Variants in RTN1 observed in about 807,000 individuals in gnomAD.
The protein encoded by RTN1 is reticulon 1, also known as reticulon-1.
Under a neutral mutation model 65.5 loss-of-function variants are expected in RTN1, and 25 were observed. The observed-to-expected ratio is 0.38, with a 90% CI of 0.28 to 0.53. The LOEUF (loss-of-function observed/expected upper bound fraction) is 0.53, where lower values mean the gene tolerates loss of function less well. Ranked by LOEUF, RTN1 falls within the 20% of genes least tolerant of loss-of-function variation. The probability of loss-of-function intolerance (pLI) is 0.79; values close to 1 mark genes in which losing one functional copy is unlikely to be tolerated. For missense variants in RTN1, 983 were observed against 1,025.4 expected (o/e 0.96, Z 0.57); for synonymous variants, 471 against 447.6 (o/e 1.05, Z -0.66).
At chr14:59,704,416 A>T (rs921766293) in intron 3 of RTN1, among the ~76,000 whole-genome samples, 1 of 152,198 alleles carries the variant, frequency 6.6e-6, no homozygotes, top group Non-Finnish European at 1.5e-5. Flanking sequence ...GGAGTGAAAG[A>T]GCAGTAGATG....
At chr14:59,646,788 C>T (rs186658798) in intron 3 of RTN1, among the ~76,000 whole-genome samples, 18 of 151,872 alleles carry the variant, frequency 1.2e-4, no homozygotes, top group East Asian at 5.8e-4. Flanking sequence ...AGATCTTGAA[C>T]GAAGCACTAA....
chr14:59,704,790 C>A (rs1227613508), intron 3 of RTN1, among the ~76,000 whole-genome samples: 1 of 152,088 alleles, frequency 6.6e-6, no homozygotes, highest in African/African-American at 2.4e-5. Context: ...GATTCCCGGA[C>A]ACTGTGATCA....
intron 1 of RTN1, among the ~76,000 whole-genome samples, chr14:59,748,430 A>G (rs1566710411): frequency 6.6e-6 from 1 of 151,740 alleles, no homozygotes; most frequent in Non-Finnish European, 1.5e-5. Context: ...AGATACCTAT[A>G]TACCTAATTC....
intron 1 of RTN1, among the ~76,000 whole-genome samples, chr14:59,772,811 GTT>G (rs10709977): frequency 6.6e-6 from 1 of 151,218 alleles, no homozygotes; most frequent in African/African-American, 2.4e-5. Flanking sequence ...AAAGGACTGG[GTT>G]TTTTTTTGGC....
intron 3 of RTN1, among the ~76,000 whole-genome samples, chr14:59,700,549 T>C (rs1348275990): frequency 6.6e-6 from 1 of 152,164 alleles, no homozygotes; most frequent in African/African-American, 2.4e-5. Context: ...ACAAAATTAA[T>C]TGTCTAGAAA....
chr14:59,635,600 G>T (rs1296643899), intron 3 of RTN1, among the ~76,000 whole-genome samples: 2 of 152,196 alleles, frequency 1.3e-5, no homozygotes, highest in Non-Finnish European at 2.9e-5. Flanking sequence ...AGTACCAGCT[G>T]TAGACTTTGG....
chr14:59,690,730 A>T (rs1883943280), intron 3 of RTN1, among the ~76,000 whole-genome samples: 1 of 152,148 alleles, frequency 6.6e-6, no homozygotes, highest in Non-Finnish European at 1.5e-5. Flanking sequence ...AATCTAAATC[A>T]TACCACCCAT....
chr14:59,861,938 G>C (rs1184235504), intron 1 of RTN1, among the ~76,000 whole-genome samples: 1 of 152,226 alleles, frequency 6.6e-6, no homozygotes, highest in East Asian at 1.9e-4. Context: ...CCTTTAGTAT[G>C]AGAATCCAAA....
chr14:59,691,218 T>A (rs1448109668), intron 3 of RTN1, among the ~76,000 whole-genome samples: 1 of 151,368 alleles, frequency 6.6e-6, no homozygotes, highest in African/African-American at 2.4e-5. Flanking sequence ...AGAGAGAAGA[T>A]CCAAATAAGC....
intron 1 of RTN1, among the ~76,000 whole-genome samples, chr14:59,854,535 G>A (rs1391324353): frequency 6.6e-6 from 1 of 151,404 alleles, no homozygotes; most frequent in Admixed American, 6.6e-5. Context: ...CAGCTACTCG[G>A]GAGGCTGAGG....
At chr14:59,650,698 C>G (rs544743772) in intron 3 of RTN1, among the ~76,000 whole-genome samples, 1 of 152,268 alleles carries the variant, frequency 6.6e-6, no homozygotes, top group African/African-American at 2.4e-5. Flanking sequence ...TACAGCTAAC[C>G]AGGGATTGTA....
chr14:59,598,890 A>G (rs1199564580), intron 8 of RTN1, among the ~76,000 whole-genome samples: 1 of 152,190 alleles, frequency 6.6e-6, no homozygotes, highest in East Asian at 1.9e-4. Flanking sequence ...TTCACTGCCC[A>G]TTACTATCAG....
At chr14:59,721,362 C>T (rs1884644538) in intron 3 of RTN1, among the ~76,000 whole-genome samples, 1 of 152,256 alleles carries the variant, frequency 6.6e-6, no homozygotes, top group Admixed American at 6.5e-5. Flanking sequence ...ATAGAAACAG[C>T]TGAGTCCCCC....
chr14:59,672,728 C>T (rs959433408), intron 3 of RTN1, among the ~76,000 whole-genome samples: 264 of 148,008 alleles, frequency 1.8e-3, no homozygotes, highest in Non-Finnish European at 2.5e-3. Flanking sequence ...GCAAGCTCCG[C>T]TTCCCGGGTT....
chr14:59,775,384 T>C (rs963327452), intron 1 of RTN1, among the ~76,000 whole-genome samples: 2 of 149,898 alleles, frequency 1.3e-5, no homozygotes, highest in Non-Finnish European at 3.0e-5. Context: ...ATTTTTGACC[T>C]TTTTTTTTGT....
At chr14:59,627,440 G>A (rs993404227) in intron 3 of RTN1, among the ~76,000 whole-genome samples, 6 of 152,142 alleles carry the variant, frequency 3.9e-5, no homozygotes, top group African/African-American at 1.4e-4. Flanking sequence ...GTTTTGTGGG[G>A]ACTAAATGTA....
rs1341449557 is a variant in RTN1, at chr14:59,661,336, G to GTACC, written c.1766-53848_1766-53845dup. On this transcript the variant is annotated intron_variant, in intron 3 of 8. Transcript: ENST00000267484. ...CTATTCGAGGTATAAAGAGGAGCTG[G>GTACC]TACCATTCCTTCTGAAACTATTCCA... 3.3e-5 allele frequency among the ~76,000 whole-genome samples: 5 copies of GTACC among 151,284 alleles called. No homozygotes were observed. The East Asian group carries it at 9.7e-4, about 29-fold the overall frequency.
chr14:59,863,240 T>C (rs1012950295), intron 1 of RTN1, among the ~76,000 whole-genome samples: 1 of 152,094 alleles, frequency 6.6e-6, no homozygotes, highest in Admixed American at 6.6e-5. Context: ...TTCATCTCAC[T>C]CTCCATACAG....
chr14:59,640,393 T>C (rs1002479275), intron 3 of RTN1, among the ~76,000 whole-genome samples: 1 of 152,230 alleles, frequency 6.6e-6, no homozygotes, highest in African/African-American at 2.4e-5. Context: ...CTCAGCTCAC[T>C]GAAGCCTCCA....
Sources: allele counts gnomAD v4.1 joint callset (sites outside exome capture counted in the v4.1 genomes callset), GRCh38; gene constraint gnomAD v4.1.1; transcripts MANE v1.5; gene names NCBI Gene and HGNC (gene_info 2026-07-23, HGNC 2026-07-21).